Variants in GSE1 observed in about 807,000 individuals in gnomAD.
GSE1 encodes Gse1 coiled-coil protein, also known as genetic suppressor element 1.
In GSE1, 32 loss-of-function variants were observed where a neutral mutation model predicts 112.6. The ratio of observed to expected loss-of-function variants is 0.28; its 90% CI spans 0.21 to 0.38. The LOEUF (loss-of-function observed/expected upper bound fraction) is 0.38, where lower values mean the gene tolerates loss of function less well. Among genes scored for constraint, GSE1 ranks in the 10% least tolerant of loss-of-function variants. The probability of loss-of-function intolerance (pLI) is 1.00; values close to 1 mark genes in which losing one functional copy is unlikely to be tolerated. For synonymous variants in GSE1, 1,115 were observed against 735.6 expected (o/e 1.52, Z -8.35); for missense variants, 2,348 against 1,699.2 (o/e 1.38, Z -6.71).
intron 2 of GSE1, among the ~76,000 whole-genome samples, chr16:85,471,888 G>A (rs571687940): frequency 5.9e-5 from 9 of 152,336 alleles, no homozygotes; most frequent in East Asian, 5.8e-4. Context: ...GCCCACATTT[G>A]TTAAGTGCCC....
At chr16:85,308,123 G>T (rs1187012640) in intron 1 of GSE1, among the ~76,000 whole-genome samples, 5 of 152,232 alleles carry the variant, frequency 3.3e-5, no homozygotes, top group Admixed American at 1.3e-4. Flanking sequence ...AAGACTCCGA[G>T]TAAGTGTCTG....
At chr16:85,260,255 C>G (rs1049803021) in intron 1 of GSE1, among the ~76,000 whole-genome samples, 1 of 151,720 alleles carries the variant, frequency 6.6e-6, no homozygotes, top group Non-Finnish European at 1.5e-5. Context: ...GCTTTAATTT[C>G]AGTGACCTTG....
rs56987251 is a variant in GSE1 at position 85,307,877 on chromosome 16, C to T, written c.2284-49586C>T. Among the ~76,000 whole-genome samples, 342 of 152,284 alleles carry T rather than the reference C, an allele frequency of 2.2e-3. 2 individuals are homozygous for T. Among genetic ancestry groups the T allele is most frequent in the African/African-American group, 7.8e-3 (326 of 41,554 alleles). On this transcript the variant is annotated intron_variant, in intron 1 of 2. Transcript: ENST00000637419. ...GCCTAGAGGTGACCGCCCCAGGAGC[C>T]GGGGGAAAGGTCAGACTTTCTGTGA...
At chr16:85,290,690 A>T (rs975163696) in intron 1 of GSE1, among the ~76,000 whole-genome samples, 1 of 152,042 alleles carries the variant, frequency 6.6e-6, no homozygotes, top group African/African-American at 2.4e-5. Context: ...CTAACTCTTC[A>T]TAGAGCCTTT....
intron 1 of GSE1, among the ~76,000 whole-genome samples, chr16:85,202,801 A>T (rs1256886195): frequency 6.6e-6 from 1 of 152,118 alleles, no homozygotes; most frequent in Non-Finnish European, 1.5e-5. Context: ...TTCCAGGCCC[A>T]GCGTGGAGCC....
chr16:85,574,248 C>T (rs1441338727), intron 1 of GSE1, among the ~76,000 whole-genome samples: 1 of 152,206 alleles, frequency 6.6e-6, no homozygotes, highest in African/African-American at 2.4e-5. Flanking sequence ...AGCAGGCCCC[C>T]AGAATGCTTT....
intron 2 of GSE1, among the ~76,000 whole-genome samples, chr16:85,498,801 C>T (rs1332572486): frequency 2.0e-5 from 3 of 152,244 alleles, no homozygotes; most frequent in African/African-American, 7.2e-5. Context: ...ACAGGCAGGC[C>T]TCACTTGGGC....
chr16:85,501,120 C>T (rs192736862), intron 2 of GSE1, among the ~76,000 whole-genome samples: 1 of 150,252 alleles, frequency 6.7e-6, no homozygotes, highest in South Asian at 2.1e-4. Context: ...CCTGCCTCAG[C>T]CTCCCGAGCA....
chr16:85,441,330 T>G (rs2049371310), intron 2 of GSE1, among the ~76,000 whole-genome samples: 1 of 152,152 alleles, frequency 6.6e-6, no homozygotes, highest in Non-Finnish European at 1.5e-5. Flanking sequence ...ACCTCCTAGT[T>G]GAGAATCACG....
At chr16:85,502,865 C>T (rs1040657383) in intron 2 of GSE1, among the ~76,000 whole-genome samples, 2 of 152,182 alleles carry the variant, frequency 1.3e-5, no homozygotes, top group African/African-American at 4.8e-5. Flanking sequence ...CAGGAGCAAG[C>T]AGGGGGGTGA....
chr16:85,572,513 A>C (rs12934184), intron 1 of GSE1, among the ~76,000 whole-genome samples: 1 of 151,168 alleles, frequency 6.6e-6, no homozygotes, highest in East Asian at 2.0e-4. Flanking sequence ...CACACACACC[A>C]CACACACACC....
At chr16:85,573,342 C>CG (rs1428820640) in intron 1 of GSE1, among the ~76,000 whole-genome samples, 3 of 152,156 alleles carry the variant, frequency 2.0e-5, no homozygotes, top group Non-Finnish European at 4.4e-5. Context: ...CTGGATAGAC[C>CG]ACGTTCTGTT....
In GSE1 at chr16:85,478,927, CTCTTTCTT is replaced by C. The variant is rs371002413; in HGVS notation, c.2464+121298_2464+121305del. Among the ~76,000 whole-genome samples, 7 of 28,046 alleles carry C rather than the reference CTCTTTCTT, an allele frequency of 2.5e-4. 1 individual carries two copies. The highest frequency in any genetic ancestry group is 1.1e-3 in the African/African-American group (7 of 6,516). The allele number at this position is 28,046 out of a possible 152,430, so 18.4% of individuals were successfully genotyped here. A position where few individuals can be genotyped will look rare whatever the true frequency, so the allele number is the denominator to read the frequency against. ...TCTTTCTTTCTTTCTTTCTTTCTTT[CTCTTTCTT>C]TCTTTCTTTCTTTTTTTTTCTTTCT... On this transcript the variant is annotated intron_variant, in intron 2 of 2. Coordinates refer to the GSE1 transcript ENST00000637419.
intron 2 of GSE1, among the ~76,000 whole-genome samples, chr16:85,459,603 C>G (rs951087788): frequency 2.0e-5 from 3 of 152,190 alleles, no homozygotes; most frequent in Admixed American, 6.5e-5. Flanking sequence ...TCCCTTTTGC[C>G]TATGTGCTTA....
At chr16:85,478,551 C>G (rs1000357093) in intron 2 of GSE1, among the ~76,000 whole-genome samples, 5 of 151,530 alleles carry the variant, frequency 3.3e-5, no homozygotes, top group African/African-American at 9.7e-5. Context: ...AATTCCATGG[C>G]CTGCCATGGA....
intron 1 of GSE1, among the ~76,000 whole-genome samples, chr16:85,280,387 G>T (rs956884090): frequency 6.6e-6 from 1 of 152,098 alleles, no homozygotes; most frequent in Non-Finnish European, 1.5e-5. Context: ...GGGTCATATG[G>T]TCTATTTATT....
chr16:85,568,295 G>A (rs1468724609), intron 1 of GSE1, among the ~76,000 whole-genome samples: 1 of 152,244 alleles, frequency 6.6e-6, no homozygotes, highest in Non-Finnish European at 1.5e-5. Context: ...CTGGTGGGGA[G>A]GCTGGTAGGC....
chr16:85,313,983 T>C (rs899346758), intron 1 of GSE1, among the ~76,000 whole-genome samples: 16 of 140,812 alleles, frequency 1.1e-4, no homozygotes, highest in African/African-American at 5.2e-4. Context: ...CAGCCTAGTG[T>C]GTGTATGTGT....
chr16:85,342,606 A>C lies in GSE1; in HGVS notation c.2284-14857A>C, dbSNP rs533721272. ...CCTCCTCAGAGCGCATGTGTTGAGGATCTGTCTCTGTGAGGTTCAAGGCGC... is the reference window on the plus strand; with the variant it reads ...CCTCCTCAGAGCGCATGTGTTGAGGCTCTGTCTCTGTGAGGTTCAAGGCGC... On this transcript the variant is annotated intron_variant, in intron 1 of 2. Transcript: ENST00000637419. Among the ~76,000 whole-genome samples the C allele has an allele frequency of 1.8e-4, 28 of 152,122 alleles. No homozygotes were observed. The East Asian group carries it at 5.1e-3, about 28-fold the overall frequency.
Sources: gnomAD v4.1 joint callset for allele counts (sites outside exome capture counted in the v4.1 genomes callset) on GRCh38, gnomAD v4.1.1 for gene constraint, MANE v1.5 for transcripts, NCBI Gene and HGNC (gene_info 2026-07-23, HGNC 2026-07-21) for gene names.